Variants in AURKC observed in about 807,000 individuals in gnomAD.
AURKC encodes ARK-3.
A neutral mutation model predicts 29.2 loss-of-function variants in AURKC; 15 were observed. The observed-to-expected ratio is 0.51, with a 90% CI of 0.34 to 0.79. The LOEUF (loss-of-function observed/expected upper bound fraction) is 0.79, where lower values mean the gene tolerates loss of function less well. Ranked by LOEUF, AURKC falls within the 30% of genes least tolerant of loss-of-function variation. AURKC has a pLI of 0.01. For missense variants in AURKC, 332 were observed against 383.2 expected (o/e 0.87, Z 1.12); for synonymous variants, 150 against 149.9 (o/e 1.00, Z -0.01).
intron 5 of AURKC, 31 bp downstream of exon 5, chr19:57,233,639 C>A: frequency 3.1e-6 from 5 of 1,612,928 alleles, no homozygotes; most frequent in Non-Finnish European, 4.2e-6. Flanking sequence ...AGGGTGAGTT[C>A]TGAGTACCAG....
chr19:57,231,333 G>C, intron 1 of AURKC, 27 bp downstream of exon 1: 1 of 1,551,618 alleles, frequency 6.4e-7, no homozygotes, highest in Non-Finnish European at 8.7e-7. Context: ...GAGAAAGGAC[G>C]CAGGGAAGGC....
rs55710619 is a variant in AURKC, at chr19:57,232,641, G to A, written c.396G>A (p.Leu132=). 2,762 of 1,614,106 alleles carry A rather than the reference G, an allele frequency of 1.7e-3. 43 individuals carry two copies. The African/African-American group carries it at 0.033, about 19-fold the overall frequency. The change falls in exon 4 of 7, where the codon CTG becomes CTA. Residue 132 remains leucine (L), a synonymous_variant. Coordinates refer to ENST00000302804, the MANE Select transcript of AURKC (RefSeq NM_001015878.2). This position sits in a 1 kb window ranked among gnomAD's most constrained non-coding sequence, Gnocchi z 4.5. The stretch of plus-strand genomic sequence containing the variant: ...CAAGGGGTGAGCTCTACAAGGAGCT[G>A]CAGAAAAGCGAGAAATTAGATGAAC... ...YAPRGELYKE[L]QKSEKLDEQR...
At chr19:57,231,537 C>T in intron 1 of AURKC, 1 of 746,440 alleles carries the variant, frequency 1.3e-6, no homozygotes, top group Non-Finnish European at 2.3e-6. Context: ...CCTCCCCTCC[C>T]TACCTTACCT....
intron 1 of AURKC, 139 bp downstream of exon 1, chr19:57,231,445 C>G: frequency 9.9e-7 from 1 of 1,005,352 alleles, no homozygotes; most frequent in Non-Finnish European, 1.5e-6. Context: ...CACTCCCTCC[C>G]TTCCCTCCAA....
In AURKC at chr19:57,231,784, C is replaced by G. The variant is rs1398755756; in HGVS notation, c.101C>G (p.Ala34Gly). 3 of 1,613,988 alleles carry G rather than the reference C, an allele frequency of 1.9e-6. No homozygotes were observed. Among genetic ancestry groups the G allele is most frequent in the Non-Finnish European group, 2.5e-6 (3 of 1,180,028 alleles). ...NQTAQQPSSP[A>G]MRRLTVDDFE... ...ACAGCCCAGCAGCCCAGCAGCCCAG[C>G]CATGTGAGTCCCTTGGGATTGGTAT... The change falls in exon 2 of 7, where the codon GCC becomes GGC. Residue 34 changes from alanine (A) to glycine (G), a missense_variant. Transcript: ENST00000302804.
rs1293821450 is a variant in AURKC at position 57,231,570 on chromosome 19, C to T, written c.59-172C>T. On this transcript the variant is annotated intron_variant, in intron 1 of 6. Coordinates refer to ENST00000302804, the MANE Select transcript of AURKC (RefSeq NM_001015878.2). ...CCTTACTCTTTCTTCTTCCCCTTAC[C>T]TCTCCCTCCCCCTCTCCCTGCCTTC... The T allele has an allele frequency of 1.8e-5, 14 of 799,014 alleles. 1 individual carries two copies. In the South Asian group the frequency reaches 2.0e-4, roughly 11 times the overall value. The allele number at this position is 799,014 out of a possible 1,614,324, so 49.5% of individuals were successfully genotyped here.
chr19:57,233,483 C>T lies in AURKC; in HGVS notation c.459C>T (p.Ala153=), dbSNP rs1426669919. Residue 153 remains alanine, a synonymous_variant, in exon 5 of 7, where the codon GCC becomes GCT. Coordinates refer to ENST00000302804, the MANE Select transcript of AURKC (RefSeq NM_001015878.2). ...AGATAATAGAGGAGTTGGCAGATGC[C>T]CTGACCTACTGCCATGACAAGAAAG... ...TATIIEELAD[A]LTYCHDKKVI... 4 of 1,614,042 alleles carry T rather than the reference C, an allele frequency of 2.5e-6. No homozygotes were observed. The highest frequency in any genetic ancestry group is 1.3e-5 in the African/African-American group (1 of 74,910).
At position 57,232,482 on chromosome 19, in the gene AURKC, G is replaced by A. The variant is rs995853945; in HGVS notation, c.297-60G>A. 4 of 1,611,842 alleles carry A rather than the reference G, an allele frequency of 2.5e-6. No homozygotes were observed. The highest frequency in any genetic ancestry group is 4.5e-5 in the East Asian group (2 of 44,870). ...GCCACTTGTGTGACCAGGCAGTGACGGTGGCATCATATGATAGGCCTCAGG... is the reference window on the plus strand; with the variant it reads ...GCCACTTGTGTGACCAGGCAGTGACAGTGGCATCATATGATAGGCCTCAGG... On this transcript the variant is annotated intron_variant, in intron 3 of 6. Coordinates refer to ENST00000302804, the MANE Select transcript of AURKC (RefSeq NM_001015878.2). The surrounding 1 kb of genome is among the most constrained non-coding windows in gnomAD (Gnocchi z 4.5).
At chr19:57,235,207 A>G (rs1213689688) in intron 6 of AURKC, 40 bp from the exon 7 acceptor site, 1 of 1,613,760 alleles carries the variant, frequency 6.2e-7, no homozygotes, top group East Asian at 2.2e-5. Flanking sequence ...GATCAAAGAA[A>G]TTAACCAGAC....
rs765634082 is a variant in AURKC, at chr19:57,232,232, C to T, written c.296+8C>T. The T allele has an allele frequency of 5.0e-6, 8 of 1,613,510 alleles. No homozygotes were observed. Among genetic ancestry groups the T allele is most frequent in the African/African-American group, 1.3e-5 (1 of 74,900 alleles). ...GATCCAGGCTCATCTACAGTAAGGA[C>T]AGTCTCTGCTTCCTCTTTCATCTTT... On this transcript the variant is annotated splice_region_variant and intron_variant, in intron 3 of 6. Coordinates refer to ENST00000302804, the MANE Select transcript of AURKC (RefSeq NM_001015878.2). This position sits in a 1 kb window ranked among gnomAD's most constrained non-coding sequence, Gnocchi z 4.5.
Position 57,231,720 on chromosome 19 carries a change from C to CCCT in AURKC, c.59-11_59-9dup, listed in dbSNP as rs775284268. On this transcript the variant is annotated intron_variant, in intron 1 of 6. Coordinates refer to ENST00000302804, the MANE Select transcript of AURKC (RefSeq NM_001015878.2). ...TTCCCTCCCCTCTCCCTTCCTATCT[C>CCCT]CCTCCTCCTCCTCTCTTTCAGTGGC... 134 of 1,607,832 alleles carry CCCT rather than the reference C, an allele frequency of 8.3e-5. No homozygotes were observed. The South Asian group carries it at 1.3e-3, about 16-fold the overall frequency.
rs769213549 is a variant in AURKC, at chr19:57,232,680, G to A, written c.435G>A (p.Thr145=). The A allele has an allele frequency of 6.2e-6, 10 of 1,613,236 alleles. No homozygotes were observed. The Admixed American group carries it at 8.3e-5, about 13-fold the overall frequency. The change falls in exon 4 of 7, where the codon ACG becomes ACA. Residue 145 remains threonine, a splice_region_variant and synonymous_variant. Coordinates refer to ENST00000302804, the MANE Select transcript of AURKC (RefSeq NM_001015878.2). This position sits in a 1 kb window ranked among gnomAD's most constrained non-coding sequence, Gnocchi z 4.5. Reference sequence around the variant, plus strand: ...AATTAGATGAACAGCGCACAGCCACGGTGAGGTGCGGGTCTGGAGGCTCTG... The same window carrying A: ...AATTAGATGAACAGCGCACAGCCACAGTGAGGTGCGGGTCTGGAGGCTCTG... ...SEKLDEQRTA[T]IIEELADALT...
chr19:57,235,250 G>A lies in AURKC; in HGVS notation c.763G>A (p.Asp255Asn). Residue 255 changes from aspartate (D) to asparagine (N), a missense_variant, in exon 7 of 7, where the codon GAT (aspartate) becomes AAT (asparagine). Coordinates refer to ENST00000302804, the MANE Select transcript of AURKC (RefSeq NM_001015878.2). The part of the protein sequence containing the change: ...SETYRRILKV[D>N]VRFPLSMPLG... ...TCTTCTTTCCTGGCCTCATCAGGTA[G>A]ATGTGAGGTTTCCACTATCAATGCC... 1.2e-6 allele frequency: 2 copies of A among 1,614,228 alleles called. No individual in the cohort carries two copies. Among genetic ancestry groups the A allele is most frequent in the South Asian group, 1.1e-5 (1 of 91,090 alleles).
At chr19:57,231,685 C>T in intron 1 of AURKC, 57 bp from the exon 2 acceptor site, 1 of 1,598,396 alleles carries the variant, frequency 6.3e-7, no homozygotes, top group Non-Finnish European at 8.6e-7. Flanking sequence ...CTCTTTCTCT[C>T]CCCTTCTCCT....
intron 1 of AURKC, 166 bp from the exon 2 acceptor site, chr19:57,231,576 C>A (rs1365156720): frequency 2.5e-6 from 2 of 804,902 alleles, no homozygotes; most frequent in South Asian, 3.2e-5. Context: ...TTACCTCTCC[C>A]TCCCCCTCTC....
rs1279197499 is a variant in AURKC at position 57,232,117 on chromosome 19, G to A, written c.189G>A (p.Lys63=). Residue 63 remains lysine (K), a synonymous_variant, in exon 3 of 7, where the codon AAG becomes AAA. Transcript: ENST00000302804. This position sits in a 1 kb window ranked among gnomAD's most constrained non-coding sequence, Gnocchi z 4.5. ...GGAATGTGTACCTGGCTCGGCTCAA[G>A]GAAAGCCATTTCATTGTGGCCCTGA... The part of the protein sequence containing the change: ...KFGNVYLARL[K]ESHFIVALKV... 3 of 1,614,106 alleles carry A rather than the reference G, an allele frequency of 1.9e-6. No homozygotes were observed. Among genetic ancestry groups the A allele is most frequent in the South Asian group, 2.2e-5 (2 of 91,080 alleles).
chr19:57,231,064 G>T lies in AURKC; in HGVS notation c.-185G>T, dbSNP rs576302127. On this transcript the variant is annotated 5_prime_UTR_variant, in exon 1 of 7. Coordinates refer to ENST00000302804, the MANE Select transcript of AURKC (RefSeq NM_001015878.2). ...GTATAAAAGAAGGCCGCGCAGCCACGGCTGCTCACGACGCCGCGGATCCCG... is the reference window on the plus strand; with the variant it reads ...GTATAAAAGAAGGCCGCGCAGCCACTGCTGCTCACGACGCCGCGGATCCCG... 1.4e-6 allele frequency: 2 copies of T among 1,409,878 alleles called. No homozygotes were observed. The highest frequency in any genetic ancestry group is 2.0e-6 in the Non-Finnish European group (2 of 1,016,516). The allele number at this position is 1,409,878 out of a possible 1,614,324, so 87.3% of individuals were successfully genotyped here.
Position 57,232,123 on chromosome 19 carries a change from C to T in AURKC, c.195C>T (p.Ser65=), listed in dbSNP as rs778334991. 6.2e-7 allele frequency: 1 copy of T among 1,613,970 alleles called. No homozygotes were observed. The highest frequency in any genetic ancestry group is 8.5e-7 in the Non-Finnish European group (1 of 1,180,024). The change falls in exon 3 of 7, where the codon AGC becomes AGT. Residue 65 remains serine, a synonymous_variant. Coordinates refer to ENST00000302804, the MANE Select transcript of AURKC (RefSeq NM_001015878.2). This position sits in a 1 kb window ranked among gnomAD's most constrained non-coding sequence, Gnocchi z 4.5. ...TGTACCTGGCTCGGCTCAAGGAAAG[C>T]CATTTCATTGTGGCCCTGAAGGTTC... ...GNVYLARLKE[S]HFIVALKVLF...
At position 57,235,390 on chromosome 19, in the gene AURKC, G is replaced by C; in HGVS notation, c.903G>C (p.Leu301=). ...TTCAGGCCCACTCCCGAAGGGTGCT[G>C]CCTCCCTGTGCTCAGATGGCTTCCT... The part of the protein sequence containing the change: ...PWVQAHSRRV[L]PPCAQMAS The change falls in exon 7 of 7, where the codon CTG becomes CTC. Residue 301 remains leucine, a synonymous_variant. Coordinates refer to ENST00000302804, the MANE Select transcript of AURKC (RefSeq NM_001015878.2). The C allele has an allele frequency of 1.9e-6, 3 of 1,613,972 alleles. No homozygotes were observed. The highest frequency in any genetic ancestry group is 2.5e-6 in the Non-Finnish European group (3 of 1,180,030).
Sources: gnomAD v4.1 joint callset for allele counts on GRCh38, gnomAD v4.1.1 for gene constraint, Gnocchi (gnomAD v3.1) non-coding constraint, MANE v1.5 for transcripts, NCBI Gene and HGNC (gene_info 2026-07-23, HGNC 2026-07-21) for gene names.